SLC10A7: variants seen among roughly 807,000 people sequenced by gnomAD.
SLC10A7 encodes the protein sodium/bile acid cotransporter 7.
Under a neutral mutation model 43.2 loss-of-function variants are expected in SLC10A7, and 29 were observed. The observed-to-expected ratio is 0.67, with a 90% confidence interval of 0.50 to 0.92. The LOEUF is 0.92. Ranked by LOEUF, SLC10A7 falls within the 40% of genes least tolerant of loss-of-function variation. The pLI, the probability that SLC10A7 is intolerant of heterozygous loss-of-function variation, is 0.00. For missense variants in SLC10A7, 295 were observed against 403.2 expected (o/e 0.73, Z 2.30); for synonymous variants, 152 against 144.8 (o/e 1.05, Z -0.35).
intron 4 of SLC10A7, among the ~76,000 whole-genome samples, chr4:146,445,719 G>A (rs780174245): frequency 6.1e-4 from 93 of 152,162 alleles, no homozygotes; most frequent in Non-Finnish European, 1.0e-3. Flanking sequence ...TTTGTTGAGC[G>A]GTGGAAGTGG....
chr4:146,477,516 A>G (rs927268464), intron 4 of SLC10A7, among the ~76,000 whole-genome samples: 6 of 152,266 alleles, frequency 3.9e-5, no homozygotes, highest in Non-Finnish European at 5.9e-5. Flanking sequence ...AGAATAACCT[A>G]AAATAGCAAA....
rs187370606 is a variant in SLC10A7 at position 146,428,783 on chromosome 4, T to C, written c.435+14000A>G. Among the ~76,000 whole-genome samples, 578 of 152,290 alleles carry C rather than the reference T, an allele frequency of 3.8e-3. 5 individuals carry two copies. Among genetic ancestry groups the C allele is most frequent in the South Asian group, 7.0e-3 (34 of 4,824 alleles). ...AATAAACTTTAATTTAAAAAAATAC[T>C]TTCCTTTAATACCAACAGTGAAATC... On this transcript the variant is annotated intron_variant, in intron 5 of 11. Transcript: ENST00000335472.
chr4:146,254,556 A>G lies in SLC10A7; in HGVS notation c.*1935T>C, dbSNP rs949788767. The G allele has an allele frequency of 9.9e-5, 15 of 152,272 alleles. No individual in the cohort carries two copies. The highest frequency in any genetic ancestry group is 3.6e-4 in the African/African-American group (15 of 41,482). 9.4% of individuals were successfully genotyped at this position (152,272 alleles called of 1,614,324 possible). Reference sequence around the variant, plus strand: ...TTATTTGAAAACAAAGCACATTTTTAAAGCAAACGATAAAATGTTATCATA... The same window carrying G: ...TTATTTGAAAACAAAGCACATTTTTGAAGCAAACGATAAAATGTTATCATA... On this transcript the variant is annotated 3_prime_UTR_variant, in exon 12 of 12. Transcript: ENST00000335472.
chr4:146,278,702 G>A (rs1181347268), intron 10 of SLC10A7, among the ~76,000 whole-genome samples: 1 of 152,102 alleles, frequency 6.6e-6, no homozygotes, highest in Admixed American at 6.6e-5. Flanking sequence ...AGAAATATCA[G>A]TCACAGACTC....
chr4:146,285,021 G>A (rs1471086740), intron 9 of SLC10A7, among the ~76,000 whole-genome samples: 1 of 152,186 alleles, frequency 6.6e-6, no homozygotes, highest in Non-Finnish European at 1.5e-5. Context: ...GAGCCTTAAA[G>A]AATAGATTTA....
chr4:146,515,219 AAGCAGCC>A lies in SLC10A7; in HGVS notation c.183+1812_183+1818del, dbSNP rs567755659. The stretch of plus-strand genomic sequence containing the variant: ...GGCACAAGTAACAGCTGTAGCCATT[AAGCAGCC>A]ACCAGGGGACATAGAGCAACGCCCC... On this transcript the variant is annotated intron_variant, in intron 2 of 11. Transcript: ENST00000335472. 108 of 700,740 alleles carry A rather than the reference AAGCAGCC, an allele frequency of 1.5e-4. 1 individual carries two copies. The African/African-American group carries it at 1.6e-3, about 11-fold the overall frequency. The allele number at this position is 700,740 out of a possible 1,614,324, so 43.4% of individuals were successfully genotyped here.
At chr4:146,299,188 A>G (rs1730988001) in intron 7 of SLC10A7, among the ~76,000 whole-genome samples, 1 of 152,186 alleles carries the variant, frequency 6.6e-6, no homozygotes, top group Non-Finnish European at 1.5e-5. Flanking sequence ...ACAAGCGTTT[A>G]TTTTCATAAT....
At chr4:146,455,843 G>A in intron 4 of SLC10A7, among the ~76,000 whole-genome samples, 1 of 151,828 alleles carries the variant, frequency 6.6e-6, no homozygotes, top group East Asian at 1.9e-4. Flanking sequence ...AAACTAATAA[G>A]TTCTTTCCTT....
At chr4:146,422,190 C>T (rs192132891) in intron 5 of SLC10A7, among the ~76,000 whole-genome samples, 39 of 152,054 alleles carry the variant, frequency 2.6e-4, no homozygotes, top group East Asian at 1.7e-3. Context: ...AGAAATAAAA[C>T]GCTCTAGGAA....
chr4:146,488,994 T>C (rs2150000818), intron 4 of SLC10A7, among the ~76,000 whole-genome samples: 1 of 152,316 alleles, frequency 6.6e-6, no homozygotes, highest in East Asian at 1.9e-4. Flanking sequence ...AGGATACAAC[T>C]GTGAATAAGA....
chr4:146,409,642 G>A (rs951802430), intron 5 of SLC10A7, among the ~76,000 whole-genome samples: 6 of 152,138 alleles, frequency 3.9e-5, no homozygotes, highest in African/African-American at 1.4e-4. Context: ...TTTTAAAATC[G>A]GGGAATAGCA....
intron 5 of SLC10A7, among the ~76,000 whole-genome samples, chr4:146,426,470 G>A (rs1729362095): frequency 6.6e-6 from 1 of 152,030 alleles, no homozygotes; most frequent in African/African-American, 2.4e-5. Context: ...CTTGAGCTTA[G>A]GAATTCAAGA....
intron 4 of SLC10A7, among the ~76,000 whole-genome samples, chr4:146,467,993 G>A (rs1413240118): frequency 6.6e-6 from 1 of 152,200 alleles, no homozygotes; most frequent in Non-Finnish European, 1.5e-5. Flanking sequence ...GGAGAAGAGA[G>A]ATATTACAGT....
intron 10 of SLC10A7, among the ~76,000 whole-genome samples, chr4:146,265,125 C>T (rs933978902): frequency 2.6e-5 from 4 of 152,254 alleles, no homozygotes; most frequent in African/African-American, 9.6e-5. Context: ...ATGCTAAGTG[C>T]TCTGCCTGCA....
chr4:146,466,017 AAG>A (rs1732992880), intron 4 of SLC10A7, among the ~76,000 whole-genome samples: 2 of 152,240 alleles, frequency 1.3e-5, no homozygotes, highest in South Asian at 4.1e-4. Flanking sequence ...TCTAATCTTA[AAG>A]TTGAAAGAAG....
chr4:146,519,134 A>G (rs1365788756), intron 1 of SLC10A7, among the ~76,000 whole-genome samples: 1 of 130,498 alleles, frequency 7.7e-6, no homozygotes, highest in African/African-American at 2.8e-5. Context: ...TAATTAATAT[A>G]TATTATGTAT....
At position 146,339,921 on chromosome 4, in the gene SLC10A7, T is replaced by C. The variant is rs1005384832; in HGVS notation, c.436-13925A>G. ...GTCTGCTGCACCTATCAACCCATCA[T>C]CTAGGTTTTAAGCTCCGCATGCATT... On this transcript the variant is annotated intron_variant, in intron 5 of 11. Transcript: ENST00000335472. Among the ~76,000 whole-genome samples, 24 of 150,796 alleles carry C rather than the reference T, an allele frequency of 1.6e-4. No homozygotes were observed. In the East Asian group the frequency reaches 4.9e-3, roughly 30 times the overall value.
At chr4:146,468,617 G>A (rs182614322) in intron 4 of SLC10A7, among the ~76,000 whole-genome samples, 1 of 151,910 alleles carries the variant, frequency 6.6e-6, no homozygotes, top group Admixed American at 6.6e-5. Context: ...CTACAGATGT[G>A]CACCACCACA....
At chr4:146,365,875 C>G (rs1736357386) in intron 5 of SLC10A7, among the ~76,000 whole-genome samples, 1 of 152,178 alleles carries the variant, frequency 6.6e-6, no homozygotes, top group Admixed American at 6.5e-5. Context: ...CTGTTAGGAA[C>G]CCGGCCGCAC....
Sources: gnomAD v4.1 joint callset for allele counts (sites outside exome capture counted in the v4.1 genomes callset) on GRCh38, gnomAD v4.1.1 for gene constraint, MANE v1.5 for transcripts, NCBI Gene and HGNC (gene_info 2026-07-23, HGNC 2026-07-21) for gene names.